Variants in ENOX2 observed in about 807,000 individuals in gnomAD.
ENOX2 encodes ecto-NOX disulfide-thiol exchanger 2.
Under a neutral mutation model 45.0 loss-of-function variants are expected in ENOX2, and 36 were observed. The ratio of observed to expected loss-of-function variants is 0.80; its 90% confidence interval spans 0.61 to 1.06. ENOX2 has a LOEUF of 1.06. Among genes scored for constraint, ENOX2 ranks in the 50% least tolerant of loss-of-function variants. The probability of loss-of-function intolerance (pLI) is 0.00; values close to 1 mark genes in which losing one functional copy is unlikely to be tolerated. For missense variants in ENOX2, 423 were observed against 462.5 expected (o/e 0.91, Z 0.78); for synonymous variants, 174 against 152.3 (o/e 1.14, Z -1.05).
chrX:130,890,669 A>G (rs931531305), intron 2 of ENOX2, among the ~76,000 whole-genome samples: 2 of 113,066 alleles, frequency 1.8e-5, no homozygotes, highest in Admixed American at 1.9e-4. Flanking sequence ...TCAAACTTGC[A>G]CCAAACCCTG....
chrX:130,669,818 C>T (rs1477504892), intron 7 of ENOX2, 147 bp downstream of exon 7: 2 of 475,733 alleles, frequency 4.2e-6, no homozygotes, highest in Admixed American at 6.8e-5. Flanking sequence ...AGGTACACCT[C>T]TCTATCTGCA....
intron 10 of ENOX2, among the ~76,000 whole-genome samples, chrX:130,653,637 G>C (rs2036465696): frequency 8.9e-6 from 1 of 111,827 alleles, no homozygotes; most frequent in South Asian, 3.8e-4. Flanking sequence ...CTCTTGCCCT[G>C]CTGCATTCTA....
intron 6 of ENOX2, among the ~76,000 whole-genome samples, chrX:130,673,796 A>T (rs1362931558): frequency 8.9e-6 from 1 of 112,205 alleles, no homozygotes. Context: ...CTGGTCTTGC[A>T]AGGGATGTAG....
chrX:130,880,901 C>A (rs12010970), intron 2 of ENOX2, among the ~76,000 whole-genome samples: 2 of 111,888 alleles, frequency 1.8e-5, no homozygotes, highest in Admixed American at 9.5e-5. Context: ...CACTTTAGGC[C>A]GTTTTTAAAA....
In ENOX2 at chrX:130,818,850, A is replaced by G. The variant is rs1221624068; in HGVS notation, c.-182-35160T>C. Among the ~76,000 whole-genome samples, 4 of 112,346 alleles carry G rather than the reference A, an allele frequency of 3.6e-5. No individual in the cohort carries two copies. In the East Asian group the frequency reaches 1.1e-3, roughly 31 times the overall value. On this transcript the variant is annotated intron_variant, in intron 2 of 14. Transcript: ENST00000394363. Reference sequence around the variant, plus strand: ...TGACTAAAACACTAAAAACAATGGCAACAAAAGCCAAAATTGACAAATGAG... The same window carrying G: ...TGACTAAAACACTAAAAACAATGGCGACAAAAGCCAAAATTGACAAATGAG...
intron 6 of ENOX2, among the ~76,000 whole-genome samples, chrX:130,677,740 C>A (rs1202205577): frequency 9.0e-6 from 1 of 111,248 alleles, no homozygotes; most frequent in Non-Finnish European, 1.9e-5. Flanking sequence ...GCCCCCTAGA[C>A]CTTAGACTTC....
At chrX:130,765,259 G>A (rs1006971740) in intron 3 of ENOX2, among the ~76,000 whole-genome samples, 48 of 110,720 alleles carry the variant, frequency 4.3e-4, no homozygotes, top group African/African-American at 1.5e-3. Context: ...CAAAATAAAA[G>A]CTAAGATCTT....
At chrX:130,658,478 T>G (rs746146511) in intron 9 of ENOX2, among the ~76,000 whole-genome samples, 90 of 111,695 alleles carry the variant, frequency 8.1e-4, no homozygotes, top group Non-Finnish European at 1.4e-3. Context: ...TTTGAAGAAA[T>G]AAGGGTTGGC....
At chrX:130,803,126 T>C (rs2077249098) in intron 2 of ENOX2, among the ~76,000 whole-genome samples, 1 of 111,317 alleles carries the variant, frequency 9.0e-6, no homozygotes, top group African/African-American at 3.2e-5. Context: ...TCATGTAATA[T>C]TTTTAAAAGT....
At chrX:130,736,649 T>C (rs1194732061) in intron 3 of ENOX2, among the ~76,000 whole-genome samples, 1 of 111,516 alleles carries the variant, frequency 9.0e-6, no homozygotes. Flanking sequence ...CAAAAACAGG[T>C]AGTGGGCTGA....
chrX:130,875,865 A>G (rs2078689257), intron 2 of ENOX2, among the ~76,000 whole-genome samples: 3 of 112,413 alleles, frequency 2.7e-5, no homozygotes, highest in Non-Finnish European at 5.6e-5. Context: ...AAGAAGGCCT[A>G]CAGAATGGTA....
At chrX:130,718,723 T>C (rs2038392663) in intron 3 of ENOX2, among the ~76,000 whole-genome samples, 1 of 111,355 alleles carries the variant, frequency 9.0e-6, no homozygotes, top group South Asian at 3.8e-4. Flanking sequence ...ATATCACAGA[T>C]AAAATTAAAC....
chrX:130,798,125 C>G (rs2077163158), intron 2 of ENOX2, among the ~76,000 whole-genome samples: 2 of 111,729 alleles, frequency 1.8e-5, no homozygotes, highest in African/African-American at 3.3e-5. Flanking sequence ...TTTTTAAAAG[C>G]CACCAGGTGG....
chrX:130,751,393 GGT>G (rs911703129), intron 3 of ENOX2, among the ~76,000 whole-genome samples: 1 of 111,746 alleles, frequency 8.9e-6, no homozygotes, highest in African/African-American at 3.2e-5. Context: ...TACTTTTTAT[GGT>G]TGAATAATAT....
At chrX:130,775,048 A>G (rs890373176) in intron 3 of ENOX2, among the ~76,000 whole-genome samples, 1 of 112,159 alleles carries the variant, frequency 8.9e-6, no homozygotes, top group Non-Finnish European at 1.9e-5. Flanking sequence ...AGAGTACCAT[A>G]AAAACTTCTC....
intron 2 of ENOX2, among the ~76,000 whole-genome samples, chrX:130,854,340 T>C (rs1199691211): frequency 9.0e-6 from 1 of 111,125 alleles, no homozygotes; most frequent in Non-Finnish European, 1.9e-5. Context: ...GATAGAACAA[T>C]AGAAATTACC....
chrX:130,673,301 G>A (rs1209411900), intron 6 of ENOX2, among the ~76,000 whole-genome samples: 2 of 110,550 alleles, frequency 1.8e-5, no homozygotes, highest in Admixed American at 9.5e-5. Flanking sequence ...GCAACACCCC[G>A]AAAAGATCAC....
In ENOX2 at chrX:130,729,801, C is replaced by T. The variant is rs897664960; in HGVS notation, c.-38-26547G>A. Among the ~76,000 whole-genome samples the T allele has an allele frequency of 1.6e-4, 18 of 112,263 alleles. No individual in the cohort carries two copies. In the East Asian group the frequency reaches 5.0e-3, roughly 31 times the overall value. On this transcript the variant is annotated intron_variant, in intron 3 of 14. Transcript: ENST00000394363. ...CATACACTTCCCATGTGCTAGAACC[C>T]TCATAGCAATAACAACAGCATTGGA...
At chrX:130,647,762 A>T (rs930757581) in intron 10 of ENOX2, among the ~76,000 whole-genome samples, 9 of 107,676 alleles carry the variant, frequency 8.4e-5, no homozygotes, top group African/African-American at 3.0e-4. Context: ...AGAATTCAAT[A>T]TTTTTTTTTT....
Sources: allele counts gnomAD v4.1 joint callset (sites outside exome capture counted in the v4.1 genomes callset), GRCh38; gene constraint gnomAD v4.1.1; transcripts MANE v1.5; gene names NCBI Gene and HGNC (gene_info 2026-07-23, HGNC 2026-07-21).